The following LTBP1 variants were observed in gnomAD, a reference collection of about 807,000 sequenced individuals.
LTBP1 encodes the protein latent-transforming growth factor beta-binding protein 1.
In LTBP1, 129 loss-of-function variants were observed where a neutral mutation model predicts 207.6. The ratio of observed to expected loss-of-function variants is 0.62; its 90% CI spans 0.54 to 0.72. The LOEUF is 0.72. Ranked by LOEUF, LTBP1 falls within the 30% of genes least tolerant of loss-of-function variation. LTBP1 has a pLI of 0.00. For synonymous variants in LTBP1, 963 were observed against 833.7 expected (o/e 1.16, Z -2.67); for missense variants, 2,281 against 2,217.2 (o/e 1.03, Z -0.58).
chr2:32,978,852 C>T (rs1682274228), intron 2 of LTBP1, among the ~76,000 whole-genome samples: 6 of 151,634 alleles, frequency 4.0e-5, no homozygotes, highest in Admixed American at 3.9e-4. Flanking sequence ...CTTTTCCTTC[C>T]TGGGAGACTT....
chr2:33,331,257 A>T (rs1317390759), intron 24 of LTBP1, among the ~76,000 whole-genome samples: 1 of 151,370 alleles, frequency 6.6e-6, no homozygotes, highest in Non-Finnish European at 1.5e-5. Context: ...TATTTTTTAT[A>T]TTTACACTTT....
intron 5 of LTBP1, among the ~76,000 whole-genome samples, chr2:33,167,244 T>G (rs535035225): frequency 1.3e-5 from 2 of 152,256 alleles, no homozygotes; most frequent in Admixed American, 6.5e-5. Context: ...GACTGCTGAT[T>G]TAGGGCTAGG....
intron 24 of LTBP1, among the ~76,000 whole-genome samples, chr2:33,319,346 C>T (rs2094319625): frequency 6.6e-6 from 1 of 150,900 alleles, no homozygotes; most frequent in Non-Finnish European, 1.5e-5. Flanking sequence ...TGTAGTGAGC[C>T]GAGATTGCGC....
chr2:32,994,854 A>G (rs551579811), intron 2 of LTBP1, among the ~76,000 whole-genome samples: 1 of 152,284 alleles, frequency 6.6e-6, no homozygotes, highest in Admixed American at 6.5e-5. Flanking sequence ...TCCCAAACCA[A>G]TTGAATGAAA....
At chr2:33,360,912 G>A in intron 27 of LTBP1, 133 bp downstream of exon 27, 1 of 672,818 alleles carries the variant, frequency 1.5e-6, no homozygotes, top group South Asian at 2.0e-5. Flanking sequence ...TTCAGGGCTA[G>A]AGCCAGCACC....
intron 7 of LTBP1, among the ~76,000 whole-genome samples, chr2:33,192,361 T>C (rs1235191503): frequency 6.6e-6 from 1 of 152,140 alleles, no homozygotes; most frequent in Non-Finnish European, 1.5e-5. Context: ...ACCCATGAAG[T>C]GTTCTTGCCA....
chr2:33,378,277 G>A (rs1380846271), intron 31 of LTBP1, among the ~76,000 whole-genome samples: 4 of 151,540 alleles, frequency 2.6e-5, no homozygotes, highest in Non-Finnish European at 4.4e-5. Context: ...CCAGGCTGGA[G>A]TGCACTGGCA....
chr2:33,246,265 A>G (rs1363756860), intron 10 of LTBP1, among the ~76,000 whole-genome samples: 2 of 152,174 alleles, frequency 1.3e-5, no homozygotes, highest in Non-Finnish European at 2.9e-5. Context: ...TCACAGAGAC[A>G]TGTAGAGTTC....
chr2:33,365,647 G>A lies in LTBP1; in HGVS notation c.4711+144G>A. On this transcript the variant is annotated intron_variant, in intron 31 of 33. Transcript: ENST00000404816. ...ATCCCGTGTGTGTGTGTGTGTGTGT[G>A]TGTAGGGCAGAACTGCATAAACATT... 4.0e-6 allele frequency: 3 copies of A among 755,362 alleles called. No homozygotes were observed. The Admixed American group carries it at 8.7e-5, about 22-fold the overall frequency. 46.8% of individuals were successfully genotyped at this position (755,362 alleles called of 1,614,324 possible).
At chr2:33,145,878 C>T (rs2082992272) in intron 5 of LTBP1, among the ~76,000 whole-genome samples, 1 of 152,182 alleles carries the variant, frequency 6.6e-6, no homozygotes, top group African/African-American at 2.4e-5. Context: ...TTGAAATACA[C>T]TCACTGCAGA....
chr2:33,109,446 G>C (rs1186078988), intron 3 of LTBP1, among the ~76,000 whole-genome samples: 2 of 152,148 alleles, frequency 1.3e-5, no homozygotes, highest in East Asian at 3.8e-4. Context: ...GCATATTCTG[G>C]AATTAGTTGG....
chr2:32,983,592 C>T (rs1473095103), intron 2 of LTBP1, among the ~76,000 whole-genome samples: 4 of 152,140 alleles, frequency 2.6e-5, no homozygotes, highest in South Asian at 4.1e-4. Flanking sequence ...CCCCTTGTGT[C>T]GTAGGAGGGA....
At chr2:33,293,067 G>A (rs946567880) in intron 19 of LTBP1, 93 bp from the exon 20 acceptor site, 46 of 1,302,668 alleles carry the variant, frequency 3.5e-5, no homozygotes, top group Admixed American at 4.7e-5. Context: ...GTCTTCTGAA[G>A]GTCTACTGTT....
chr2:33,069,429 C>A (rs2077676036), intron 3 of LTBP1, among the ~76,000 whole-genome samples: 1 of 152,324 alleles, frequency 6.6e-6, no homozygotes, highest in Middle Eastern at 3.4e-3. Flanking sequence ...CCATTTTGAT[C>A]TAGAAGGTAG....
intron 31 of LTBP1, among the ~76,000 whole-genome samples, chr2:33,376,729 C>T (rs1254592072): frequency 1.3e-5 from 2 of 152,264 alleles, no homozygotes; most frequent in South Asian, 2.1e-4. Context: ...GATACCTTCT[C>T]CTAAGGGGAT....
chr2:33,015,404 T>G (rs976942044), intron 2 of LTBP1, among the ~76,000 whole-genome samples: 1 of 152,172 alleles, frequency 6.6e-6, no homozygotes, highest in African/African-American at 2.4e-5. Flanking sequence ...CGTCCTTAAA[T>G]CCCCCAGCAT....
At chr2:33,354,687 CA>C in intron 26 of LTBP1, among the ~76,000 whole-genome samples, 1 of 49,726 alleles carries the variant, frequency 2.0e-5, no homozygotes, top group Non-Finnish European at 3.9e-5. Flanking sequence ...AAACTATACA[CA>C]CACACACACA....
At chr2:33,326,672 T>TATTTATTTATTTATTTATTTATTTA (rs1559016959) in intron 24 of LTBP1, among the ~76,000 whole-genome samples, 4 of 151,124 alleles carry the variant, frequency 2.6e-5, no homozygotes, top group African/African-American at 9.7e-5. Flanking sequence ...TTTATTTATT[T>TATTTATTTATTTATTTATTTATTTA]TTTGGAGGCC....
At chr2:33,318,167 A>G (rs1280510477) in intron 24 of LTBP1, among the ~76,000 whole-genome samples, 1 of 152,170 alleles carries the variant, frequency 6.6e-6, no homozygotes, top group Non-Finnish European at 1.5e-5. Context: ...CAAATCTGAA[A>G]TACTTCTAGC....
Sources: allele counts gnomAD v4.1 joint callset (sites outside exome capture counted in the v4.1 genomes callset), GRCh38; gene constraint gnomAD v4.1.1; transcripts MANE v1.5; gene names NCBI Gene and HGNC (gene_info 2026-07-23, HGNC 2026-07-21).